CNTNAP2: variants seen among roughly 807,000 people sequenced by gnomAD.
CNTNAP2 encodes the protein contactin associated protein 2, also known as contactin-associated protein-like 2.
In CNTNAP2, 98 loss-of-function variants were observed where a neutral mutation model predicts 155.2. The observed-to-expected ratio is 0.63, with a 90% CI of 0.54 to 0.75. The LOEUF is 0.75. Among genes scored for constraint, CNTNAP2 ranks in the 30% least tolerant of loss-of-function variants. The pLI, the probability that CNTNAP2 is intolerant of heterozygous loss-of-function variation, is 0.00. For synonymous variants in CNTNAP2, 651 were observed against 631.2 expected (o/e 1.03, Z -0.47); for missense variants, 1,727 against 1,688.1 (o/e 1.02, Z -0.40).
intron 1 of CNTNAP2, among the ~76,000 whole-genome samples, chr7:146,659,468 T>G (rs1449334424): frequency 6.6e-6 from 1 of 152,202 alleles, no homozygotes; most frequent in Non-Finnish European, 1.5e-5. Context: ...TGTCCTGCTA[T>G]TTTAATATGT....
chr7:147,930,378 A>C (rs1190026505), intron 14 of CNTNAP2, among the ~76,000 whole-genome samples: 9 of 152,210 alleles, frequency 5.9e-5, no homozygotes, highest in Admixed American at 5.2e-4. Context: ...TGAATGTGAT[A>C]GGATGAACAA....
chr7:147,039,087 G>A (rs960380550), intron 3 of CNTNAP2, among the ~76,000 whole-genome samples: 4 of 151,944 alleles, frequency 2.6e-5, no homozygotes, highest in African/African-American at 9.7e-5. Context: ...AACGATATAT[G>A]TAATTGTATA....
chr7:146,174,227 G>T (rs140766261), intron 1 of CNTNAP2, among the ~76,000 whole-genome samples: 2,228 of 150,138 alleles, frequency 0.015, 59 homozygotes, highest in African/African-American at 0.052. Flanking sequence ...AGAAAAAAAA[G>T]AAAAAAAACC....
intron 1 of CNTNAP2, among the ~76,000 whole-genome samples, chr7:146,769,359 G>A (rs1396174188): frequency 6.6e-6 from 1 of 152,110 alleles, no homozygotes; most frequent in East Asian, 1.9e-4. Flanking sequence ...AGTATTTAAT[G>A]TCTGCAGGAG....
intron 13 of CNTNAP2, among the ~76,000 whole-genome samples, chr7:147,815,551 A>G (rs559773485): frequency 1.2e-4 from 19 of 152,292 alleles, no homozygotes; most frequent in African/African-American, 4.6e-4. Flanking sequence ...GCTTCAAGCC[A>G]GAGAACACTC....
intron 13 of CNTNAP2, among the ~76,000 whole-genome samples, chr7:147,779,318 T>C (rs1392910115): frequency 3.3e-5 from 5 of 152,194 alleles, no homozygotes; most frequent in Non-Finnish European, 7.3e-5. Flanking sequence ...ATGTAAATCT[T>C]AGTGGATATA....
intron 1 of CNTNAP2, among the ~76,000 whole-genome samples, chr7:146,296,203 T>C (rs1393951676): frequency 1.3e-5 from 2 of 152,278 alleles, no homozygotes; most frequent in East Asian, 1.9e-4. Context: ...CCCAGCCAGT[T>C]TGAAGACACT....
At chr7:146,865,851 A>T (rs534236416) in intron 3 of CNTNAP2, among the ~76,000 whole-genome samples, 21 of 152,304 alleles carry the variant, frequency 1.4e-4, no homozygotes, top group Middle Eastern at 3.4e-3. Context: ...GGGAAAATTC[A>T]TTCACAATAC....
intron 18 of CNTNAP2, among the ~76,000 whole-genome samples, chr7:148,199,867 G>A (rs1339458724): frequency 1.3e-5 from 2 of 152,192 alleles, no homozygotes; most frequent in African/African-American, 4.8e-5. Context: ...GGAGAACCAG[G>A]AAAGCCACTG....
chr7:148,245,705 C>T (rs1174774121), intron 20 of CNTNAP2, among the ~76,000 whole-genome samples: 1 of 152,136 alleles, frequency 6.6e-6, no homozygotes, highest in African/African-American at 2.4e-5. Context: ...ACACACAATC[C>T]AAGTCCAAAT....
intron 11 of CNTNAP2, among the ~76,000 whole-genome samples, chr7:147,555,401 C>G (rs1250663881): frequency 1.3e-5 from 2 of 152,148 alleles, no homozygotes; most frequent in Non-Finnish European, 1.5e-5. Flanking sequence ...CATCTTATAA[C>G]CTGGTCCCTA....
chr7:148,221,017 T>C (rs1795739869), intron 19 of CNTNAP2, among the ~76,000 whole-genome samples: 1 of 152,100 alleles, frequency 6.6e-6, no homozygotes, highest in African/African-American at 2.4e-5. Context: ...TATTGTCTGC[T>C]CCTCGAGTCA....
intron 15 of CNTNAP2, among the ~76,000 whole-genome samples, chr7:148,112,718 C>G (rs1342239865): frequency 6.6e-6 from 1 of 152,068 alleles, no homozygotes; most frequent in Non-Finnish European, 1.5e-5. Flanking sequence ...AACCAAAAAT[C>G]TGTGATTTAG....
At chr7:147,949,755 C>T (rs1374608799) in intron 14 of CNTNAP2, among the ~76,000 whole-genome samples, 1 of 152,042 alleles carries the variant, frequency 6.6e-6, no homozygotes, top group African/African-American at 2.4e-5. Context: ...AAGGTTGACC[C>T]TGGGCTGCAG....
chr7:147,522,456 CCTT>C (rs1799244779), intron 11 of CNTNAP2, among the ~76,000 whole-genome samples: 1 of 151,788 alleles, frequency 6.6e-6, no homozygotes, highest in African/African-American at 2.4e-5. Context: ...AAAATTTGCA[CCTT>C]CCTTTTTATT....
chr7:147,024,515 A>C (rs1798867159), intron 3 of CNTNAP2, among the ~76,000 whole-genome samples: 1 of 152,222 alleles, frequency 6.6e-6, no homozygotes, highest in Admixed American at 6.5e-5. Flanking sequence ...TGTTGTAAAG[A>C]AATATTGAGA....
chr7:148,213,195 G>A (rs149712779), intron 18 of CNTNAP2, among the ~76,000 whole-genome samples: 2,228 of 152,172 alleles, frequency 0.015, 19 homozygotes, highest in Non-Finnish European at 0.022. Flanking sequence ...GGGGACCTGC[G>A]AAAAATGCTG....
intron 1 of CNTNAP2, among the ~76,000 whole-genome samples, chr7:146,476,051 C>T (rs1298215659): frequency 6.6e-6 from 1 of 152,052 alleles, no homozygotes; most frequent in South Asian, 2.1e-4. Context: ...TTGTTGAAAC[C>T]GAAAACGGAA....
chr7:146,222,987 G>C (rs1799233626), intron 1 of CNTNAP2, among the ~76,000 whole-genome samples: 1 of 152,086 alleles, frequency 6.6e-6, no homozygotes, highest in African/African-American at 2.4e-5. Flanking sequence ...TAAGATGACA[G>C]TGAGGACACT....
Sources: gnomAD v4.1 joint callset for allele counts (sites outside exome capture counted in the v4.1 genomes callset) on GRCh38, gnomAD v4.1.1 for gene constraint, MANE v1.5 for transcripts, NCBI Gene and HGNC (gene_info 2026-07-23, HGNC 2026-07-21) for gene names.